The following ITGAE variants were observed in gnomAD, a reference collection of about 807,000 sequenced individuals.
The protein encoded by ITGAE is integrin alpha-E.
A neutral mutation model predicts 136.5 loss-of-function variants in ITGAE; 99 were observed. That is an observed-to-expected ratio of 0.73 (90% CI 0.62 to 0.86). ITGAE has a LOEUF of 0.86. ITGAE is among the 40% of genes least tolerant of loss of function. The pLI, the probability that ITGAE is intolerant of heterozygous loss-of-function variation, is 0.00. For synonymous variants in ITGAE, 613 were observed against 591.8 expected (o/e 1.04, Z -0.52); for missense variants, 1,447 against 1,515.3 (o/e 0.95, Z 0.75).
rs1289339192 is a variant in ITGAE, at chr17:3,801,160, G to T, written c.-16C>A. On this transcript the variant is annotated 5_prime_UTR_variant, in exon 1 of 31. Coordinates refer to ENST00000263087, the MANE Select transcript of ITGAE (RefSeq NM_002208.5). ...AGAGCCACATCCTTGCTGGAGCAGA[G>T]GCGGCTGTGTGGGAGCCGAGGCGAG... 1 of 1,610,118 alleles carries T rather than the reference G, an allele frequency of 6.2e-7. No homozygotes were observed. Among genetic ancestry groups the T allele is most frequent in the Non-Finnish European group, 8.5e-7 (1 of 1,179,964 alleles).
At position 3,759,533 on chromosome 17, in the gene ITGAE, C is replaced by T. The variant is rs768818290; in HGVS notation, c.735G>A (p.Gln245=). Residue 245 remains glutamine, a synonymous_variant, in exon 8 of 31, where the codon CAG becomes CAA. Coordinates refer to ENST00000263087, the MANE Select transcript of ITGAE (RefSeq NM_002208.5). The part of the protein sequence containing the change: ...KCFECNFALV[Q]YGGVIQTEFD... ...ACTCAGTCTGGATCACTCCTCCATA[C>T]TGCACCAAGGCAAAGTTGCACTGCA... 2 of 1,613,344 alleles carry T rather than the reference C, an allele frequency of 1.2e-6. No individual in the cohort carries two copies. Among genetic ancestry groups the T allele is most frequent in the Non-Finnish European group, 1.7e-6 (2 of 1,179,294 alleles).
chr17:3,742,052 G>A (rs1349625489), intron 19 of ITGAE, among the ~76,000 whole-genome samples: 2 of 152,176 alleles, frequency 1.3e-5, no homozygotes, highest in East Asian at 3.9e-4. Flanking sequence ...ACTCCAGCCT[G>A]GGCAACAAGG....
rs1187242624 is a variant in ITGAE at position 3,748,202 on chromosome 17, C to T, written c.2025-150G>A. On this transcript the variant is annotated intron_variant, in intron 16 of 30. Coordinates refer to ENST00000263087, the MANE Select transcript of ITGAE (RefSeq NM_002208.5). ...TCTCAGGGTACAGTGGGGAAAGAGA[C>T]AAGTTTCTGCTTTGGTGGGAAAGCA... 5.7e-6 allele frequency: 4 copies of T among 701,826 alleles called. No homozygotes were observed. The East Asian group carries it at 1.2e-4, about 21-fold the overall frequency. The allele number at this position is 701,826 out of a possible 1,614,324, so 43.5% of individuals were successfully genotyped here. A position where few individuals can be genotyped will look rare whatever the true frequency, so the allele number is the denominator to read the frequency against.
intron 2 of ITGAE, among the ~76,000 whole-genome samples, chr17:3,764,814 AG>A (rs2052255814): frequency 6.6e-6 from 1 of 152,214 alleles, no homozygotes; most frequent in African/African-American, 2.4e-5. Context: ...ACCCAGGCCC[AG>A]TCCAGGGAGA....
chr17:3,750,665 A>T (rs1178563), intron 15 of ITGAE, among the ~76,000 whole-genome samples, 183 bp from the exon 16 acceptor site: 103,001 of 151,864 alleles, frequency 0.68, 35,988 homozygotes, highest in African/African-American at 0.75. Context: ...TGGAGCCTCG[A>T]AGGGCAGGTG....
At chr17:3,777,702 C>G in intron 1 of ITGAE, 42 bp from the exon 2 acceptor site, 1 of 1,571,590 alleles carries the variant, frequency 6.4e-7, no homozygotes, top group Non-Finnish European at 8.6e-7. Context: ...AGGCCTTTTA[C>G]TCCCGTTATT....
At chr17:3,763,700 G>A (rs560024315) in intron 3 of ITGAE, among the ~76,000 whole-genome samples, 169 bp downstream of exon 3, 9 of 152,240 alleles carry the variant, frequency 5.9e-5, no homozygotes, top group Non-Finnish European at 1.2e-4. Context: ...ATTGGGTTGG[G>A]GTGGGACTGG....
chr17:3,726,635 C>T (rs2051219873), intron 26 of ITGAE: 1 of 320,962 alleles, frequency 3.1e-6, no homozygotes, highest in African/African-American at 2.1e-5. Context: ...CATATCTAGC[C>T]TGGTCAACAT....
intron 21 of ITGAE, among the ~76,000 whole-genome samples, chr17:3,732,675 T>C (rs1264562901): frequency 6.6e-6 from 1 of 152,178 alleles, no homozygotes; most frequent in East Asian, 1.9e-4. Flanking sequence ...GGAATTTAAA[T>C]ACAAGGTCGA....
intron 2 of ITGAE, among the ~76,000 whole-genome samples, chr17:3,777,088 G>T (rs1392341955): frequency 1.3e-5 from 2 of 151,966 alleles, no homozygotes; most frequent in African/African-American, 2.4e-5. Context: ...AGCCTCCTGA[G>T]TAGCTGGGAC....
intron 26 of ITGAE, 175 bp from the exon 27 acceptor site, chr17:3,723,919 C>T (rs1445292580): frequency 3.2e-6 from 5 of 1,542,876 alleles, no homozygotes; most frequent in African/African-American, 2.8e-5. Flanking sequence ...GTTTGAACCT[C>T]TTGGCGGGTG....
chr17:3,797,172 T>A (rs866545860), intron 1 of ITGAE, among the ~76,000 whole-genome samples: 2,546 of 133,146 alleles, frequency 0.019, 134 homozygotes, highest in Non-Finnish European at 0.023. Flanking sequence ...TTTTTTTTTT[T>A]TTTTTTTTTT....
At chr17:3,752,000 C>T (rs1178942800) in intron 14 of ITGAE, 126 bp from the exon 15 acceptor site, 3 of 806,506 alleles carry the variant, frequency 3.7e-6, no homozygotes, top group Admixed American at 2.2e-5. Context: ...TGCACGCTCG[C>T]TGGGCCGGTG....
In ITGAE at chr17:3,724,980, T is replaced by G. The variant is rs1271502090; in HGVS notation, c.3085-1236A>C. Reference sequence around the variant, plus strand: ...CAAACATCAGGAGGCAACGGAAACCTCTCTCCTCCATTCCCACCGCTTTAA... The same window carrying G: ...CAAACATCAGGAGGCAACGGAAACCGCTCTCCTCCATTCCCACCGCTTTAA... On this transcript the variant is annotated intron_variant, in intron 26 of 30. Coordinates refer to ENST00000263087, the MANE Select transcript of ITGAE (RefSeq NM_002208.5). 2.5e-6 allele frequency: 4 copies of G among 1,614,038 alleles called. No individual in the cohort carries two copies. The African/African-American group carries it at 4.0e-5, about 16-fold the overall frequency.
At chr17:3,795,966 CGT>C (rs1307751033) in intron 1 of ITGAE, among the ~76,000 whole-genome samples, 34 of 85,020 alleles carry the variant, frequency 4.0e-4, no homozygotes, top group Middle Eastern at 9.1e-3. Context: ...CCTGTGTGTG[CGT>C]GTGTGCATCC....
At chr17:3,801,040 T>C in intron 1 of ITGAE, 71 bp downstream of exon 1, 1 of 1,534,274 alleles carries the variant, frequency 6.5e-7, no homozygotes, top group Non-Finnish European at 9.0e-7. Flanking sequence ...CAGTCAAGGC[T>C]GTAGTCTGCA....
chr17:3,800,892 C>T (rs2053241543), intron 1 of ITGAE, among the ~76,000 whole-genome samples: 1 of 152,224 alleles, frequency 6.6e-6, no homozygotes, highest in Non-Finnish European at 1.5e-5. Context: ...AAGGCCCTGG[C>T]TGACAGAACT....
chr17:3,717,192 T>C (rs77368316), intron 29 of ITGAE: 4,023 of 164,360 alleles, frequency 0.024, 76 homozygotes, highest in Middle Eastern at 0.053. Context: ...TTTAAAATGA[T>C]GACTTCCTTT....
chr17:3,764,278 G>T (rs375628151), intron 2 of ITGAE, among the ~76,000 whole-genome samples: 1 of 152,206 alleles, frequency 6.6e-6, no homozygotes, highest in South Asian at 2.1e-4. Flanking sequence ...AACCACCAGC[G>T]TTGGGGTTGG....
Sources: gnomAD v4.1 joint callset for allele counts (sites outside exome capture counted in the v4.1 genomes callset) on GRCh38, gnomAD v4.1.1 for gene constraint, MANE v1.5 for transcripts, NCBI Gene and HGNC (gene_info 2026-07-23, HGNC 2026-07-21) for gene names.